The following EPPK1 variants were observed in gnomAD, a reference collection of about 807,000 sequenced individuals.
EPPK1 encodes epiplakin 1.
For missense variants in EPPK1, 3,823 were observed against 3,673.3 expected, an observed-to-expected ratio of 1.04 and a Z score of -1.05; for synonymous variants, 1,862 against 1,721.2, an observed-to-expected ratio of 1.08 and a Z score of -2.03.
Position 143,857,949 on chromosome 8 carries a change from T to TTG in EPPK1, c.*37_*38insCA. 8.0e-7 allele frequency: 1 copy of TTG among 1,255,698 alleles called. No individual in the cohort carries two copies. The highest frequency in any genetic ancestry group is 1.1e-6 in the Non-Finnish European group (1 of 912,018). The allele number at this position is 1,255,698 out of a possible 1,614,324, so 77.8% of individuals were successfully genotyped here. A position where few individuals can be genotyped will look rare whatever the true frequency, so the allele number is the denominator to read the frequency against. On this transcript the variant is annotated 3_prime_UTR_variant, in exon 2 of 2. Transcript: ENST00000615648. ...CCAGACACACAAGTATGCCTCCACT[T>TTG]CTCCAGAGTTGCAGAAAACTGCACG...
At position 143,866,701 on chromosome 8, in the gene EPPK1, C is replaced by G. The variant is rs1819122772; in HGVS notation, c.6553G>C (p.Glu2185Gln). Residue 2185 changes from glutamate (E) to glutamine (Q), a missense_variant, in exon 2 of 2, where the codon GAA becomes CAA. Physicochemically the swap from Glu to Gln is conservative, Grantham distance 29. Coordinates refer to ENST00000615648, the MANE Select transcript of EPPK1 (RefSeq NM_031308.4). ...GTGATTATGGCTGAGCTGAGGAGTT[C>G]AGAAGCTGTGATCTGTCGTCTAATT... ...QGIRRQITAS[E>Q]LLSSAIITEE... 6.2e-7 allele frequency: 1 copy of G among 1,613,256 alleles called. No homozygotes were observed. The highest frequency in any genetic ancestry group is 1.3e-5 in the African/African-American group (1 of 74,942).
At chr8:143,878,847 T>C (rs1386927096), upstream of EPPK1, among the ~76,000 whole-genome samples, 1 of 151,716 alleles carries the variant, frequency 6.6e-6, no homozygotes, top group Non-Finnish European at 1.5e-5. Flanking sequence ...CGACCCCACC[T>C]TGTCTGCTCA....
In EPPK1 at chr8:143,868,312, C is replaced by T. The variant is rs370754670; in HGVS notation, c.4942G>A (p.Ala1648Thr). The T allele has an allele frequency of 3.4e-5, 55 of 1,613,144 alleles. 1 individual carries two copies. The African/African-American group carries it at 3.5e-4, about 10-fold the overall frequency. ...TYVKLLSAER[A>T]VTGYTDPYTG... is the part of the protein sequence containing the mutation. ...TAGGGGTCGGTGTAGCCGGTGACGG[C>T]GCGCTCGGCCGACAGCAGCTTCACG... Residue 1648 changes from alanine to threonine, a missense_variant, in exon 2 of 2, where the codon GCC (alanine) becomes ACC (threonine). Coordinates refer to ENST00000615648, the MANE Select transcript of EPPK1 (RefSeq NM_031308.4).
In EPPK1 at chr8:143,869,394, C is replaced by G; in HGVS notation, c.3860G>C (p.Gly1287Ala). 6.2e-7 allele frequency: 1 copy of G among 1,609,196 alleles called. No homozygotes were observed. Among genetic ancestry groups the G allele is most frequent in the African/African-American group, 1.3e-5 (1 of 75,020 alleles). The change falls in exon 2 of 2, where the codon GGC (glycine) becomes GCC (alanine). Residue 1287 changes from glycine (G) to alanine (A), a missense_variant. Physicochemically the swap from Gly to Ala is moderately conservative, Grantham distance 60. Coordinates refer to ENST00000615648, the MANE Select transcript of EPPK1 (RefSeq NM_031308.4). ...QRLLEAQVASGFLVDPLNNQR... is the reference protein window; with the variant it reads ...QRLLEAQVASAFLVDPLNNQR... ...GTTGTTCAGGGGGTCAACAAGGAAG[C>G]CAGATGCCACCTGGGCTTCCAGCAG...
rs377506188 is a variant in EPPK1 at position 143,868,295 on chromosome 8, G to A, written c.4959C>T (p.Thr1653=). ...LSAERAVTGY[T]DPYTGQQISL... ...AGATCTGCTGCCCGGTATAGGGGTC[G>A]GTGTAGCCGGTGACGGCGCGCTCGG... The change falls in exon 2 of 2, where the codon ACC becomes ACT. Residue 1653 remains threonine, a synonymous_variant. Transcript: ENST00000615648. 29 of 1,613,160 alleles carry A rather than the reference G, an allele frequency of 1.8e-5. No homozygotes were observed. The highest frequency in any genetic ancestry group is 8.9e-5 in the East Asian group (4 of 44,882).
At position 143,867,508 on chromosome 8, in the gene EPPK1, C is replaced by T. The variant is rs1819171130; in HGVS notation, c.5746G>A (p.Ala1916Thr). 1 of 1,612,614 alleles carries T rather than the reference C, an allele frequency of 6.2e-7. No individual in the cohort carries two copies. Among genetic ancestry groups the T allele is most frequent in the Admixed American group, 1.7e-5 (1 of 60,012 alleles). The change falls in exon 2 of 2, where the codon GCC (alanine) becomes ACC (threonine). Residue 1916 changes from alanine (A) to threonine (T), a missense_variant. Ala to Thr is a moderately conservative substitution (Grantham distance 58). Coordinates refer to ENST00000615648, the MANE Select transcript of EPPK1 (RefSeq NM_031308.4). ...GCAGGGATGAGCTCCTTCCTGCTGG[C>T]CTCATGGAGGCTCATGACCTCCCTG... ...STREVMSLHE[A>T]SRKELIPAAF...
At chr8:143,873,358 G>A in intron 1 of EPPK1, 60 bp from the exon 2 acceptor site, 1 of 1,268,204 alleles carries the variant, frequency 7.9e-7, no homozygotes, top group East Asian at 2.8e-5. Context: ...CACGAGGGAA[G>A]ATGCGGTCAT....
chr8:143,873,898 C>G (rs80318631), intron 1 of EPPK1, among the ~76,000 whole-genome samples: 1,924 of 152,282 alleles, frequency 0.013, 27 homozygotes, highest in Middle Eastern at 0.024. Context: ...CCTCCCTCCA[C>G]AGCCATCCAC....
In EPPK1 at chr8:143,867,386, A is replaced by G. The variant is rs1294324553; in HGVS notation, c.5868T>C (p.Asp1956=). 1 of 1,612,736 alleles carries G rather than the reference A, an allele frequency of 6.2e-7. No homozygotes were observed. Among genetic ancestry groups the G allele is most frequent in the Non-Finnish European group, 8.5e-7 (1 of 1,179,862 alleles). ...RQKLSVDEAV[D]VGLVNEELRE... ...GCAGCTCCTCGTTCACCAGGCCCAC[A>G]TCCACAGCCTCATCCACAGAGAGCT... The change falls in exon 2 of 2, where the codon GAT becomes GAC. Residue 1956 remains aspartate, a synonymous_variant. Coordinates refer to ENST00000615648, the MANE Select transcript of EPPK1 (RefSeq NM_031308.4).
intron 1 of EPPK1, among the ~76,000 whole-genome samples, chr8:143,877,866 G>A (rs1287751395): frequency 6.6e-6 from 1 of 151,978 alleles, no homozygotes; most frequent in Non-Finnish European, 1.5e-5. Flanking sequence ...GGCCCTTCCT[G>A]CCTCTGCCTC....
chr8:143,876,079 C>T (rs1057296841), intron 1 of EPPK1, among the ~76,000 whole-genome samples: 3 of 152,208 alleles, frequency 2.0e-5, no homozygotes, highest in Non-Finnish European at 4.4e-5. Flanking sequence ...TGTCACCAAG[C>T]CAAAGGCTAT....
intron 1 of EPPK1, among the ~76,000 whole-genome samples, chr8:143,873,863 C>T (rs1383320970): frequency 1.3e-5 from 2 of 152,202 alleles, no homozygotes; most frequent in African/African-American, 4.8e-5. Context: ...CCTCTGCCAC[C>T]TCCTGCTGGC....
rs782131791 is a variant in EPPK1 at position 143,872,547 on chromosome 8, C to G, written c.707G>C (p.Arg236Pro). The change falls in exon 2 of 2, where the codon CGC (arginine) becomes CCC (proline). Residue 236 changes from arginine to proline, a missense_variant. Physicochemically the swap from Arg to Pro is moderately radical, Grantham distance 103. Coordinates refer to ENST00000615648, the MANE Select transcript of EPPK1 (RefSeq NM_031308.4). Reference protein sequence around the residue: ...LALLPLKITFRSMGGAVSAAE... With the variant: ...LALLPLKITFPSMGGAVSAAE... ...TGCACTCACCGCCCCGCCCATGGAG[C>G]GGAAGGTGATCTTGAGGGGCAGCAA... is the stretch of plus-strand genomic sequence containing the variant. 1 of 1,604,888 alleles carries G rather than the reference C, an allele frequency of 6.2e-7. No homozygotes were observed. The highest frequency in any genetic ancestry group is 1.3e-5 in the African/African-American group (1 of 74,848).
rs781975171 is a variant in EPPK1, at chr8:143,872,710, G to A, written c.544C>T (p.Arg182Trp). The change falls in exon 2 of 2, where the codon CGG becomes TGG. Residue 182 changes from arginine to tryptophan, a missense_variant. Arg to Trp is a moderately radical substitution (Grantham distance 101). Transcript: ENST00000615648. ...EPACHQGLLD[R>W]ETWHKLSELE... ...TCTGACAGCTTGTGCCATGTCTCCC[G>A]GTCCAGGAGGCCCTGGTGGCAGGCT... 27 of 1,596,254 alleles carry A rather than the reference G, an allele frequency of 1.7e-5. No homozygotes were observed. Among genetic ancestry groups the A allele is most frequent in the East Asian group, 9.0e-5 (4 of 44,628 alleles).
rs1819082183 is a variant in EPPK1 at position 143,865,369 on chromosome 8, C to CG, written c.7884dup (p.Ala2629ArgfsTer14). 1.1e-5 allele frequency: 4 copies of CG among 353,638 alleles called. No homozygotes were observed. Among genetic ancestry groups the CG allele is most frequent in the Non-Finnish European group, 1.3e-5 (3 of 222,858 alleles). The allele number at this position is 353,638 out of a possible 1,614,324, so 21.9% of individuals were successfully genotyped here. ...TCCTGGCGGCGGGCGGCGGCGGCGG[C>CG]GGCGGCGGCGGCGGCCTCCTGGGTC... On this transcript the variant is annotated frameshift_variant, in exon 2 of 2. Coordinates refer to ENST00000615648, the MANE Select transcript of EPPK1 (RefSeq NM_031308.4). LOFTEE classifies it low-confidence loss of function (END_TRUNC).
Position 143,872,582 on chromosome 8 carries a change from C to T in EPPK1, c.672G>A (p.Ser224=), listed in dbSNP as rs1238597929. The change falls in exon 2 of 2, where the codon TCG becomes TCA. Residue 224 remains serine, a synonymous_variant. Transcript: ENST00000615648. ...LLERCVRAPG[S]GLALLPLKIT... ...TCTTGAGGGGCAGCAAGGCTAGCCC[C>T]GAGCCGGGGGCACGCACACACCTTT... 2.4e-5 allele frequency: 38 copies of T among 1,607,840 alleles called. No homozygotes were observed. Among genetic ancestry groups the T allele is most frequent in the South Asian group, 8.8e-5 (8 of 90,694 alleles).
At position 143,872,599 on chromosome 8, in the gene EPPK1, C is replaced by T; in HGVS notation, c.655G>A (p.Val219Met). The change falls in exon 2 of 2, where the codon GTG becomes ATG. Residue 219 changes from valine to methionine, a missense_variant. Physicochemically the swap from Val to Met is conservative, Grantham distance 21. Transcript: ENST00000615648. ...LTYHQLLERC[V>M]RAPGSGLALL... ...GCTAGCCCCGAGCCGGGGGCACGCA[C>T]ACACCTTTCCAGCAGCTGGTGGTAT... is the stretch of plus-strand genomic sequence containing the variant. 1 of 1,610,450 alleles carries T rather than the reference C, an allele frequency of 6.2e-7. No homozygotes were observed. The highest frequency in any genetic ancestry group is 8.5e-7 in the Non-Finnish European group (1 of 1,179,578).
At position 143,871,371 on chromosome 8, in the gene EPPK1, T is replaced by TA; in HGVS notation, c.1882_1883insT (p.Glu628ValfsTer38). The TA allele has an allele frequency of 6.2e-7, 1 of 1,607,512 alleles. No individual in the cohort carries two copies. The highest frequency in any genetic ancestry group is 8.5e-7 in the Non-Finnish European group (1 of 1,177,918). The stretch of plus-strand genomic sequence containing the variant: ...CCGGAGGAGCCCCTTGCATCGGGCC[T>TA]CATAGATGCTCAGGCGTTCCTGGGA... On this transcript the variant is annotated frameshift_variant, in exon 2 of 2. Coordinates refer to ENST00000615648, the MANE Select transcript of EPPK1 (RefSeq NM_031308.4). LOFTEE classifies it low-confidence loss of function (END_TRUNC).
At chr8:143,877,455 T>C (rs1415110599) in intron 1 of EPPK1, among the ~76,000 whole-genome samples, 1 of 152,128 alleles carries the variant, frequency 6.6e-6, no homozygotes, top group Non-Finnish European at 1.5e-5. Flanking sequence ...CCCCGGAGCC[T>C]GAGGCACAAA....
Sources: allele counts gnomAD v4.1 joint callset (sites outside exome capture counted in the v4.1 genomes callset), GRCh38; gene constraint gnomAD v4.1.1; transcripts MANE v1.5; gene names NCBI Gene and HGNC (gene_info 2026-07-23, HGNC 2026-07-21).